USP34: variants seen among roughly 807,000 people sequenced by gnomAD.
USP34 encodes the protein ubiquitin carboxyl-terminal hydrolase 34.
Under a neutral mutation model 460.3 loss-of-function variants are expected in USP34, and 70 were observed. The observed-to-expected ratio is 0.15, with a 90% CI of 0.13 to 0.19. The LOEUF is 0.19. Among genes scored for constraint, USP34 ranks in the 10% least tolerant of loss-of-function variants. The pLI is 1.00. For missense variants in USP34, 3,985 were observed against 4,236.2 expected, an observed-to-expected ratio of 0.94 and a Z score of 1.65; for synonymous variants, 1,647 against 1,405.3, an observed-to-expected ratio of 1.17 and a Z score of -3.85.
chr2:61,362,617 A>C (rs1409660585), intron 10 of USP34, among the ~76,000 whole-genome samples: 4 of 152,220 alleles, frequency 2.6e-5, no homozygotes, highest in Admixed American at 6.5e-5. Context: ...GTAGTCAAAG[A>C]AGCGGAGAGT....
chr2:61,379,434 C>G (rs566579096), intron 7 of USP34, among the ~76,000 whole-genome samples: 17 of 152,180 alleles, frequency 1.1e-4, no homozygotes, highest in South Asian at 2.1e-4. Flanking sequence ...GCAAGAGCAT[C>G]GCTTGAACCC....
chr2:61,452,318 CTTTTTT>C (rs35104375), intron 1 of USP34, among the ~76,000 whole-genome samples: 9 of 89,928 alleles, frequency 1.0e-4, no homozygotes, highest in East Asian at 8.5e-4. Context: ...ATTCCCGGCA[CTTTTTT>C]TTTTTTTTTT....
chr2:61,444,109 G>A (rs1695044337), intron 1 of USP34, among the ~76,000 whole-genome samples: 1 of 152,034 alleles, frequency 6.6e-6, no homozygotes, highest in Non-Finnish European at 1.5e-5. Flanking sequence ...TAAAATTGTA[G>A]GTATGGTGGG....
intron 16 of USP34, among the ~76,000 whole-genome samples, chr2:61,342,910 TCA>T (rs1691650857): frequency 6.6e-6 from 1 of 152,196 alleles, no homozygotes; most frequent in Non-Finnish European, 1.5e-5. Flanking sequence ...GGCATCACAT[TCA>T]GTCAGATGAC....
chr2:61,396,695 A>G (rs1693539955), intron 3 of USP34, among the ~76,000 whole-genome samples: 1 of 151,972 alleles, frequency 6.6e-6, no homozygotes, highest in African/African-American at 2.4e-5. Context: ...TCACCGTGTT[A>G]GCCAGGATGG....
At chr2:61,394,138 T>A (rs1028396146) in intron 5 of USP34, among the ~76,000 whole-genome samples, 3 of 152,022 alleles carry the variant, frequency 2.0e-5, no homozygotes, top group African/African-American at 7.2e-5. Flanking sequence ...TAAATAAAAG[T>A]ATCTTTCTTT....
chr2:61,351,287 A>G (rs1278221947), intron 10 of USP34, among the ~76,000 whole-genome samples: 1 of 152,250 alleles, frequency 6.6e-6, no homozygotes, highest in African/African-American at 2.4e-5. Flanking sequence ...AAATCTTTAT[A>G]AAGTATTTAT....
chr2:61,319,265 C>T lies in USP34; in HGVS notation c.3076G>A (p.Asp1026Asn). The change falls in exon 22 of 80, where the codon GAT (aspartate) becomes AAT (asparagine). Residue 1026 changes from aspartate to asparagine, a missense_variant. Physicochemically the swap from Asp to Asn is conservative, Grantham distance 23. Around this residue, in one of 14 missense-constraint regions of USP34, gnomAD observed 1,114 missense variants for 1,122.5 expected, o/e 0.99. Transcript: ENST00000398571. ...TTTAAAAACCAATGGAGTGCATCAT[C>T]ATAACATTCAGAATCTTCTACTAAA... is the stretch of plus-strand genomic sequence containing the variant. ...HCLVEDSECY[D>N]DALHWFLNQV... 1 of 1,595,846 alleles carries T rather than the reference C, an allele frequency of 6.3e-7. No homozygotes were observed. Among genetic ancestry groups the T allele is most frequent in the South Asian group, 1.2e-5 (1 of 86,234 alleles).
chr2:61,309,646 T>G (rs1330630549), intron 27 of USP34, among the ~76,000 whole-genome samples: 3 of 152,214 alleles, frequency 2.0e-5, no homozygotes, highest in African/African-American at 7.2e-5. Context: ...GTCCTACTGC[T>G]TGAATCAGTA....
At chr2:61,451,237 A>AAAAAAAAAG (rs1205765601) in intron 1 of USP34, among the ~76,000 whole-genome samples, 3 of 150,600 alleles carry the variant, frequency 2.0e-5, no homozygotes, top group East Asian at 1.9e-4. Flanking sequence ...AAAAAAAAAA[A>AAAAAAAAAG]AAAAAAAAGA....
In USP34 at chr2:61,336,433, G is replaced by T. The variant is rs752263442; in HGVS notation, c.2745-2462C>A. ...GAGACACTGTACCTGGTCCCTTTTGGATCTTTTTAATTTTCCTACCTATAA... is the reference window on the plus strand; with the variant it reads ...GAGACACTGTACCTGGTCCCTTTTGTATCTTTTTAATTTTCCTACCTATAA... On this transcript the variant is annotated intron_variant, in intron 18 of 79. Coordinates refer to ENST00000398571, the MANE Select transcript of USP34 (RefSeq NM_014709.4). Among the ~76,000 whole-genome samples the T allele has an allele frequency of 2.6e-5, 4 of 151,188 alleles. No individual in the cohort carries two copies. The South Asian group carries it at 6.3e-4, about 24-fold the overall frequency.
intron 35 of USP34, 33 bp from the exon 36 acceptor site, chr2:61,283,482 A>C (rs1558508784): frequency 6.3e-7 from 1 of 1,585,588 alleles, no homozygotes; most frequent in Admixed American, 1.9e-5. Flanking sequence ...CCACCAATTA[A>C]ATTCAGCAAT....
intron 35 of USP34, 39 bp from the exon 36 acceptor site, chr2:61,283,488 G>A: frequency 1.3e-6 from 2 of 1,572,680 alleles, no homozygotes; most frequent in South Asian, 1.2e-5. Flanking sequence ...ATTAAATTCA[G>A]CAATGAATTA....
At chr2:61,305,021 AT>A (rs1434219606) in intron 27 of USP34, among the ~76,000 whole-genome samples, 4 of 152,186 alleles carry the variant, frequency 2.6e-5, no homozygotes. Context: ...AATAAAATAA[AT>A]TTTAAAAATT....
rs754756735 is a variant in USP34, at chr2:61,214,608, G to A, written c.8134C>T (p.Arg2712Cys). 3.7e-6 allele frequency: 6 copies of A among 1,614,058 alleles called. No individual in the cohort carries two copies. The highest frequency in any genetic ancestry group is 1.6e-4 in the Middle Eastern group (1 of 6,084). ...GTGTCTGGACTGAGTGGAAGGTCAC[G>A]GGTTGGGATGTGCAAAGACCTTGTT... ...RSTRSLHIPTRDLPLSPDTTV... is the reference protein window; with the variant it reads ...RSTRSLHIPTCDLPLSPDTTV... The change falls in exon 68 of 80, where the codon CGT (arginine) becomes TGT (cysteine). Residue 2712 changes from arginine (R) to cysteine (C), a missense_variant. Coordinates refer to ENST00000398571, the MANE Select transcript of USP34 (RefSeq NM_014709.4).
At chr2:61,234,324 A>G (rs1388856113) in intron 57 of USP34, among the ~76,000 whole-genome samples, 1 of 152,188 alleles carries the variant, frequency 6.6e-6, no homozygotes, top group Non-Finnish European at 1.5e-5. Flanking sequence ...TTGCCTTCCT[A>G]TGGAGATTTA....
chr2:61,326,331 C>T (rs2694623), intron 20 of USP34, among the ~76,000 whole-genome samples: 31,774 of 152,058 alleles, frequency 0.21, 3,461 homozygotes, highest in South Asian at 0.33. Context: ...CCTTAGCCTC[C>T]GGAGTAGCTG....
chr2:61,366,568 C>G (rs993394569), intron 10 of USP34, among the ~76,000 whole-genome samples: 3 of 152,144 alleles, frequency 2.0e-5, no homozygotes, highest in Non-Finnish European at 4.4e-5. Context: ...TGTACATTCT[C>G]TCATTTAGAG....
chr2:61,193,266 C>A, intron 75 of USP34: 1 of 195,874 alleles, frequency 5.1e-6, no homozygotes, highest in Non-Finnish European at 1.0e-5. Context: ...GAAAAAGTTA[C>A]TGCAAGTGGC....
Sources: allele counts gnomAD v4.1 joint callset (sites outside exome capture counted in the v4.1 genomes callset), GRCh38; gene constraint gnomAD v4.1.1; regional missense constraint gnomAD v4.1.1; transcripts MANE v1.5; gene names NCBI Gene and HGNC (gene_info 2026-07-23, HGNC 2026-07-21).